DOK6: variants seen among roughly 807,000 people sequenced by gnomAD.
DOK6 encodes downstream of tyrosine kinase 6.
In DOK6, 22 loss-of-function variants were observed where a neutral mutation model predicts 44.0. That is an observed-to-expected ratio of 0.50 (90% CI 0.36 to 0.71). The LOEUF is 0.71. DOK6 is among the 30% of genes least tolerant of loss of function. DOK6 has a pLI of 0.00. For synonymous variants in DOK6, 166 were observed against 145.5 expected (o/e 1.14, Z -1.01); for missense variants, 340 against 416.4 (o/e 0.82, Z 1.60).
At position 69,401,110 on chromosome 18, in the gene DOK6, C is replaced by T. The variant is rs1916086225; in HGVS notation, c.-135C>T. ...CCCCGCGTCCCCACCGGCGGGAGCT[C>T]GGGGAAGAGCGGGCGGCGGCGCTGC... On this transcript the variant is annotated 5_prime_UTR_variant, in exon 1 of 8. Transcript: ENST00000382713. 1.2e-6 allele frequency: 1 copy of T among 855,628 alleles called. No homozygotes were observed. Among genetic ancestry groups the T allele is most frequent in the Non-Finnish European group, 1.6e-6 (1 of 638,236 alleles). The allele number at this position is 855,628 out of a possible 1,614,324, so 53.0% of individuals were successfully genotyped here.
chr18:69,773,673 A>G (rs1329609087), intron 7 of DOK6, among the ~76,000 whole-genome samples: 1 of 152,028 alleles, frequency 6.6e-6, no homozygotes, highest in Non-Finnish European at 1.5e-5. Context: ...TGTGCTTACC[A>G]GGAGCTGGAA....
intron 1 of DOK6, among the ~76,000 whole-genome samples, chr18:69,473,936 A>T (rs1980188312): frequency 6.6e-6 from 1 of 151,574 alleles, no homozygotes; most frequent in African/African-American, 2.4e-5. Flanking sequence ...TTGGAAGTGC[A>T]CACCTTTCCC....
intron 3 of DOK6, among the ~76,000 whole-genome samples, chr18:69,602,147 C>T (rs1266918128): frequency 1.3e-5 from 2 of 152,082 alleles, no homozygotes; most frequent in Non-Finnish European, 2.9e-5. Flanking sequence ...TACTTCCTCC[C>T]TAGGAGAATA....
At chr18:69,798,430 T>C (rs1193741038) in intron 7 of DOK6, among the ~76,000 whole-genome samples, 1 of 152,098 alleles carries the variant, frequency 6.6e-6, no homozygotes, top group Non-Finnish European at 1.5e-5. Flanking sequence ...TATCATTTAA[T>C]GTGGTTTTCT....
intron 7 of DOK6, among the ~76,000 whole-genome samples, chr18:69,786,068 G>A (rs929252183): frequency 5.9e-5 from 9 of 152,022 alleles, no homozygotes; most frequent in East Asian, 5.8e-4. Context: ...TGTTGTATGC[G>A]TTTGATATTT....
At chr18:69,559,632 T>TA (rs1156466840) in intron 1 of DOK6, among the ~76,000 whole-genome samples, 2 of 152,114 alleles carry the variant, frequency 1.3e-5, no homozygotes, top group Non-Finnish European at 2.9e-5. Context: ...CTGCTAGTTT[T>TA]AAAAAAATAT....
chr18:69,495,976 C>A (rs1980874991), intron 1 of DOK6, among the ~76,000 whole-genome samples: 1 of 152,222 alleles, frequency 6.6e-6, no homozygotes, highest in Non-Finnish European at 1.5e-5. Flanking sequence ...AGAGGGAAGG[C>A]AGCGAAAGCA....
At chr18:69,692,726 T>C (rs1256907025) in intron 4 of DOK6, among the ~76,000 whole-genome samples, 2 of 152,208 alleles carry the variant, frequency 1.3e-5, no homozygotes, top group East Asian at 3.8e-4. Context: ...ACTCTAGTTA[T>C]GTACATTTAT....
Position 69,441,294 on chromosome 18 carries a change from A to C in DOK6, c.66+39984A>C, listed in dbSNP as rs183820734. Reference sequence around the variant, plus strand: ...GAGTACTTAATTTTTGAAATTCAATAGTTGTTTGTTTCTTTTCTGTCCATC... The same window carrying C: ...GAGTACTTAATTTTTGAAATTCAATCGTTGTTTGTTTCTTTTCTGTCCATC... On this transcript the variant is annotated intron_variant, in intron 1 of 7. Coordinates refer to ENST00000382713, the MANE Select transcript of DOK6 (RefSeq NM_152721.6). 1.4e-3 allele frequency among the ~76,000 whole-genome samples: 207 copies of C among 152,240 alleles called. 2 individuals are homozygous for C. Among genetic ancestry groups the C allele is most frequent in the African/African-American group, 3.9e-3 (162 of 41,546 alleles).
chr18:69,603,749 C>A (rs1398767070), intron 3 of DOK6, among the ~76,000 whole-genome samples: 1 of 111,984 alleles, frequency 8.9e-6, no homozygotes, highest in African/African-American at 3.4e-5. Flanking sequence ...CCAGCCTGGG[C>A]GACAGAGCGA....
At chr18:69,749,149 C>A (rs1043170824) in intron 6 of DOK6, among the ~76,000 whole-genome samples, 1 of 149,600 alleles carries the variant, frequency 6.7e-6, no homozygotes, top group Non-Finnish European at 1.5e-5. Context: ...ACACTGGGGC[C>A]TGTTGGGGGT....
chr18:69,412,876 AC>A, intron 1 of DOK6, among the ~76,000 whole-genome samples: 1 of 152,094 alleles, frequency 6.6e-6, no homozygotes, highest in East Asian at 1.9e-4. Context: ...AATTCCAGGA[AC>A]CTAGGACCGA....
intron 7 of DOK6, among the ~76,000 whole-genome samples, chr18:69,812,268 A>G (rs1324733785): frequency 6.6e-6 from 1 of 152,126 alleles, no homozygotes; most frequent in South Asian, 2.1e-4. Context: ...ACTCAATTCA[A>G]TTGCAAGATA....
At chr18:69,422,772 T>A (rs1270004021) in intron 1 of DOK6, among the ~76,000 whole-genome samples, 1 of 152,228 alleles carries the variant, frequency 6.6e-6, no homozygotes, top group Admixed American at 6.5e-5. Context: ...TTTCAAAATT[T>A]TGGTTTGAAA....
chr18:69,638,910 C>A (rs1041656547), intron 3 of DOK6, among the ~76,000 whole-genome samples: 23 of 152,102 alleles, frequency 1.5e-4, no homozygotes, highest in Non-Finnish European at 3.1e-4. Context: ...TAAAAGTAAT[C>A]AATATTAACA....
intron 1 of DOK6, among the ~76,000 whole-genome samples, chr18:69,488,589 G>T (rs1451630491): frequency 6.6e-6 from 1 of 152,186 alleles, no homozygotes; most frequent in African/African-American, 2.4e-5. Context: ...ATGGGGGGAG[G>T]TGAAGGAGGA....
At chr18:69,823,625 T>TTGTGTG (rs72248499) in intron 7 of DOK6, among the ~76,000 whole-genome samples, 3,187 of 146,828 alleles carry the variant, frequency 0.022, 61 homozygotes, top group East Asian at 0.067. Context: ...GTGTGTGTGT[T>TTGTGTG]TGTGTGTGTG....
At chr18:69,542,288 A>AT (rs34527658) in intron 1 of DOK6, among the ~76,000 whole-genome samples, 27,784 of 151,274 alleles carry the variant, frequency 0.18, 3,745 homozygotes, top group Middle Eastern at 0.35. Context: ...TGACCGACCC[A>AT]TTTTGTAAGC....
chr18:69,652,974 T>G (rs12606443), intron 3 of DOK6, among the ~76,000 whole-genome samples: 29,726 of 152,184 alleles, frequency 0.2, 3,239 homozygotes, highest in Middle Eastern at 0.28. Context: ...ATGTCTGTAG[T>G]TTGAAAGATT....
Sources: gnomAD v4.1 joint callset for allele counts (sites outside exome capture counted in the v4.1 genomes callset) on GRCh38, gnomAD v4.1.1 for gene constraint, MANE v1.5 for transcripts, NCBI Gene and HGNC (gene_info 2026-07-23, HGNC 2026-07-21) for gene names.